Variants in ABCC9 observed in about 807,000 individuals in gnomAD.
ABCC9 encodes the protein ATP binding cassette subfamily C member 9, also known as ATP-binding cassette sub-family C member 9.
ABCC9 carries 95 observed loss-of-function variants against 188.3 expected under a neutral mutation model. The observed-to-expected ratio is 0.50, with a 90% CI of 0.43 to 0.60. The LOEUF is 0.60. ABCC9 is among the 20% of genes least tolerant of loss of function. The probability of loss-of-function intolerance (pLI) is 0.00; values close to 1 mark genes in which losing one functional copy is unlikely to be tolerated. For missense variants in ABCC9, 1,102 were observed against 1,876.3 expected, an observed-to-expected ratio of 0.59 and a Z score of 7.62; for synonymous variants, 659 against 652.7, an observed-to-expected ratio of 1.01 and a Z score of -0.15.
At chr12:21,865,663 T>C (rs1945739835) in intron 18 of ABCC9, among the ~76,000 whole-genome samples, 1 of 152,106 alleles carries the variant, frequency 6.6e-6, no homozygotes, top group African/African-American at 2.4e-5. Context: ...CCATTAGACA[T>C]GTGTAAATAC....
At chr12:21,864,583 G>T (rs932648437) in intron 18 of ABCC9, 106 bp from the exon 19 acceptor site, 7 of 786,270 alleles carry the variant, frequency 8.9e-6, no homozygotes, top group South Asian at 1.5e-5. Context: ...ATATTAAAGA[G>T]CACATTTCCC....
At chr12:21,848,672 G>A (rs1304029805) in intron 24 of ABCC9, among the ~76,000 whole-genome samples, 1 of 152,158 alleles carries the variant, frequency 6.6e-6, no homozygotes, top group Non-Finnish European at 1.5e-5. Context: ...TTAAACTGAT[G>A]TCAGTCATCC....
chr12:21,874,365 TAGTG>T (rs1200559133), intron 17 of ABCC9, among the ~76,000 whole-genome samples: 1 of 152,070 alleles, frequency 6.6e-6, no homozygotes, highest in Non-Finnish European at 1.5e-5. Flanking sequence ...TAAAAAGTGT[TAGTG>T]AGGATGTGGA....
chr12:21,830,722 TA>T (rs1273839513), intron 30 of ABCC9, among the ~76,000 whole-genome samples: 1 of 152,130 alleles, frequency 6.6e-6, no homozygotes, highest in Non-Finnish European at 1.5e-5. Flanking sequence ...TAATCTACAA[TA>T]ATCAGAGAAC....
At chr12:21,879,022 C>T (rs533785511) in intron 16 of ABCC9, among the ~76,000 whole-genome samples, 20 of 152,186 alleles carry the variant, frequency 1.3e-4, no homozygotes, top group African/African-American at 3.9e-4. Context: ...ATCATCATAA[C>T]GGGGTTTATG....
intron 31 of ABCC9, among the ~76,000 whole-genome samples, chr12:21,823,815 C>T (rs1406733006): frequency 6.6e-6 from 1 of 152,236 alleles, no homozygotes; most frequent in African/African-American, 2.4e-5. Flanking sequence ...TGCACTCAAC[C>T]GCGGCCGGCT....
At chr12:21,885,379 A>G (rs1290073480) in intron 15 of ABCC9, among the ~76,000 whole-genome samples, 1 of 152,102 alleles carries the variant, frequency 6.6e-6, no homozygotes, top group Admixed American at 6.5e-5. Context: ...TTTGAAGGGG[A>G]TTCTTTTTTT....
At chr12:21,848,275 G>A in intron 24 of ABCC9, 29 bp from the exon 25 acceptor site, 1 of 1,580,134 alleles carries the variant, frequency 6.3e-7, no homozygotes, top group Non-Finnish European at 8.7e-7. Context: ...TATCATGCAA[G>A]GAGCTAACAC....
rs1942787556 is a variant in ABCC9 at position 21,818,244 on chromosome 12, A to G, written c.3677T>C (p.Leu1226Pro). Residue 1226 changes from leucine (L) to proline (P), a missense_variant, in exon 32 of 40, where the codon CTG becomes CCG. Physicochemically the swap from Leu to Pro is moderately conservative, Grantham distance 98 (BLOSUM62 -3). Transcript: ENST00000261200. ...NRWLEVRTDY[L>P]GACIVLTASI... is the part of the protein sequence containing the mutation. The stretch of plus-strand genomic sequence containing the variant: ...TGCAGTGAGGACAATGCAAGCTCCC[A>G]GATAATCCTTTGAAAAAGCAAGAGA... 1 of 1,613,496 alleles carries G rather than the reference A, an allele frequency of 6.2e-7. No individual in the cohort carries two copies.
chr12:21,849,958 T>G (rs1378520123), intron 24 of ABCC9, among the ~76,000 whole-genome samples: 1 of 152,100 alleles, frequency 6.6e-6, no homozygotes. Flanking sequence ...TACCCCTTGA[T>G]CCTTAAACTG....
intron 39 of ABCC9, among the ~76,000 whole-genome samples, chr12:21,804,137 A>G (rs1429443566): frequency 1.3e-5 from 2 of 152,138 alleles, no homozygotes; most frequent in African/African-American, 4.8e-5. Flanking sequence ...AATTCTAGGT[A>G]TCCTAGTGGC....
chr12:21,815,919 C>T, intron 33 of ABCC9, 26 bp from the exon 34 acceptor site: 1 of 1,601,098 alleles, frequency 6.2e-7, no homozygotes, highest in Non-Finnish European at 8.5e-7. Context: ...GGGAAATAGA[C>T]AGATAATAGG....
At chr12:21,897,887 T>G (rs1220289462) in intron 12 of ABCC9, among the ~76,000 whole-genome samples, 1 of 152,140 alleles carries the variant, frequency 6.6e-6, no homozygotes, top group African/African-American at 2.4e-5. Flanking sequence ...CTCTCATCTC[T>G]AGAGACACAC....
chr12:21,872,376 C>T (rs1946124601), intron 18 of ABCC9, among the ~76,000 whole-genome samples: 1 of 152,162 alleles, frequency 6.6e-6, no homozygotes, highest in South Asian at 2.1e-4. Context: ...CCTATCTTTA[C>T]AATCCCATCC....
At chr12:21,872,489 T>C (rs543572693) in intron 18 of ABCC9, 136 bp downstream of exon 18, 7 of 581,982 alleles carry the variant, frequency 1.2e-5, no homozygotes, top group Non-Finnish European at 2.1e-5. Flanking sequence ...TTTCCATCAA[T>C]TTTTTTTTTA....
rs1301287357 is a variant in ABCC9 at position 21,929,084 on chromosome 12, A to G, written c.285-3021T>C. Among the ~76,000 whole-genome samples, 6 of 152,298 alleles carry G rather than the reference A, an allele frequency of 3.9e-5. No homozygotes were observed. In the South Asian group the frequency reaches 1.2e-3, roughly 32 times the overall value. On this transcript the variant is annotated intron_variant, in intron 4 of 39. Transcript: ENST00000261200. ...AAAACACAGTAATAGTGAAGATTTT[A>G]ATACACTGCTTTTAGAATTTTGACA...
intron 3 of ABCC9, among the ~76,000 whole-genome samples, chr12:21,935,985 A>G (rs1949471045): frequency 6.6e-6 from 1 of 152,146 alleles, no homozygotes; most frequent in Non-Finnish European, 1.5e-5. Flanking sequence ...TCTACATAAA[A>G]CACAACCTCA....
At chr12:21,817,084 A>G in intron 33 of ABCC9, 103 bp downstream of exon 33, 1 of 1,290,208 alleles carries the variant, frequency 7.8e-7, no homozygotes, top group Non-Finnish European at 1.1e-6. Flanking sequence ...TTTTCTGGAT[A>G]CTGAAGTGGA....
intron 14 of ABCC9, among the ~76,000 whole-genome samples, chr12:21,891,694 G>T (rs757795781): frequency 6.6e-6 from 1 of 152,176 alleles, no homozygotes; most frequent in Non-Finnish European, 1.5e-5. Context: ...AAGTTTGACA[G>T]TGTGCTTTAT....
Sources: gnomAD v4.1 joint callset for allele counts (sites outside exome capture counted in the v4.1 genomes callset) on GRCh38, gnomAD v4.1.1 for gene constraint, MANE v1.5 for transcripts, NCBI Gene and HGNC (gene_info 2026-07-23, HGNC 2026-07-21) for gene names.